PAPPA: variants seen among roughly 807,000 people sequenced by gnomAD.
The protein encoded by PAPPA is pappalysin 1.
A neutral mutation model predicts 164.0 loss-of-function variants in PAPPA; 60 were observed. That is an observed-to-expected ratio of 0.37 (90% CI 0.30 to 0.45). The LOEUF is 0.45. Ranked by LOEUF, PAPPA falls within the 20% of genes least tolerant of loss-of-function variation. The pLI, the probability that PAPPA is intolerant of heterozygous loss-of-function variation, is 1.00. For missense variants in PAPPA, 1,782 were observed against 2,087.3 expected (o/e 0.85, Z 2.85); for synonymous variants, 875 against 814.1 (o/e 1.07, Z -1.27).
At chr9:116,389,298 A>C (rs1241648095) in intron 21 of PAPPA, among the ~76,000 whole-genome samples, 1 of 151,800 alleles carries the variant, frequency 6.6e-6, no homozygotes, top group African/African-American at 2.4e-5. Context: ...ACACCTGGCT[A>C]ATTTTTGTAT....
chr9:116,161,270 C>T (rs1843661822), intron 1 of PAPPA, among the ~76,000 whole-genome samples: 1 of 152,164 alleles, frequency 6.6e-6, no homozygotes, highest in Non-Finnish European at 1.5e-5. Flanking sequence ...TCTGCCAAAT[C>T]CTGCCACTTA....
chr9:116,313,478 C>T (rs1845748865), intron 10 of PAPPA, among the ~76,000 whole-genome samples: 1 of 152,196 alleles, frequency 6.6e-6, no homozygotes. Flanking sequence ...CTGGGTAATG[C>T]CCATGTCTGC....
chr9:116,365,721 T>C (rs1250686124), intron 18 of PAPPA, among the ~76,000 whole-genome samples: 1 of 152,146 alleles, frequency 6.6e-6, no homozygotes, highest in African/African-American at 2.4e-5. Flanking sequence ...AAGCAGTTTC[T>C]CTGACTGCTT....
intron 19 of PAPPA, among the ~76,000 whole-genome samples, chr9:116,375,781 T>G (rs1321897703): frequency 2.0e-5 from 3 of 152,172 alleles, no homozygotes; most frequent in Admixed American, 6.5e-5. Flanking sequence ...TACATGGATT[T>G]TCCACATTTT....
At chr9:116,294,409 T>C (rs1234295308) in intron 9 of PAPPA, among the ~76,000 whole-genome samples, 4 of 152,180 alleles carry the variant, frequency 2.6e-5, no homozygotes, top group Non-Finnish European at 5.9e-5. Flanking sequence ...CTGTCTTTTG[T>C]ACTCTGGGCA....
At chr9:116,344,788 A>G (rs1031373776) in intron 14 of PAPPA, 77 bp downstream of exon 14, 2 of 1,317,842 alleles carry the variant, frequency 1.5e-6, no homozygotes, top group Middle Eastern at 2.6e-4. Context: ...GTTCTCTGCT[A>G]AATACCCAGC....
chr9:116,176,666 A>G (rs1843838206), intron 1 of PAPPA, among the ~76,000 whole-genome samples: 1 of 152,174 alleles, frequency 6.6e-6, no homozygotes, highest in Non-Finnish European at 1.5e-5. Flanking sequence ...ATAGAATACT[A>G]TAGTATCCAC....
intron 5 of PAPPA, among the ~76,000 whole-genome samples, chr9:116,221,385 T>G (rs1844444147): frequency 6.6e-6 from 1 of 152,230 alleles, no homozygotes; most frequent in African/African-American, 2.4e-5. Flanking sequence ...GTAAAAATAA[T>G]AACCATGCTA....
chr9:116,360,964 A>G (rs1238332629), intron 17 of PAPPA, among the ~76,000 whole-genome samples: 4 of 152,202 alleles, frequency 2.6e-5, no homozygotes, highest in Non-Finnish European at 5.9e-5. Context: ...GTTGTGCCAG[A>G]TAAGGTATTT....
intron 17 of PAPPA, 30 bp downstream of exon 17, chr9:116,353,823 C>T (rs531041579): frequency 1.3e-6 from 2 of 1,570,596 alleles, no homozygotes; most frequent in African/African-American, 2.7e-5. Flanking sequence ...AGATTGATAC[C>T]ATGGTCCCTT....
At chr9:116,337,503 A>G (rs149759813) in intron 13 of PAPPA, among the ~76,000 whole-genome samples, 1 of 152,292 alleles carries the variant, frequency 6.6e-6, no homozygotes, top group African/African-American at 2.4e-5. Flanking sequence ...AATAAATAGC[A>G]TCACTTTTTA....
chr9:116,160,934 G>T (rs1843658329), intron 1 of PAPPA, among the ~76,000 whole-genome samples: 1 of 152,194 alleles, frequency 6.6e-6, no homozygotes, highest in South Asian at 2.1e-4. Context: ...GTGACCTGTG[G>T]TCTCTGACTT....
At chr9:116,292,633 T>G (rs1845450939) in intron 9 of PAPPA, among the ~76,000 whole-genome samples, 1 of 152,194 alleles carries the variant, frequency 6.6e-6, no homozygotes, top group African/African-American at 2.4e-5. Context: ...TTTTTTGATG[T>G]CTTTTGATGA....
intron 7 of PAPPA, among the ~76,000 whole-genome samples, chr9:116,262,724 G>A (rs906855483): frequency 6.6e-6 from 1 of 152,156 alleles, no homozygotes; most frequent in African/African-American, 2.4e-5. Context: ...AATGTAGGAG[G>A]CACAGGAGGG....
At chr9:116,303,557 A>G (rs998646079) in intron 10 of PAPPA, among the ~76,000 whole-genome samples, 2 of 152,042 alleles carry the variant, frequency 1.3e-5, no homozygotes, top group Non-Finnish European at 2.9e-5. Flanking sequence ...TAGTGCTTGT[A>G]TGATTCTAGA....
At chr9:116,233,717 C>G (rs750136205) in intron 6 of PAPPA, among the ~76,000 whole-genome samples, 2 of 152,174 alleles carry the variant, frequency 1.3e-5, no homozygotes, top group Non-Finnish European at 2.9e-5. Context: ...ACAGCCTTCA[C>G]TGGCATAGTT....
chr9:116,382,214 GTCTT>G (rs1242010603), intron 20 of PAPPA, among the ~76,000 whole-genome samples, 177 bp from the exon 21 acceptor site: 1 of 152,124 alleles, frequency 6.6e-6, no homozygotes, highest in Admixed American at 6.5e-5. Context: ...AAAGATAAGA[GTCTT>G]TATGAATGGT....
chr9:116,367,608 C>A, intron 18 of PAPPA, 37 bp from the exon 19 acceptor site: 2 of 1,500,792 alleles, frequency 1.3e-6, no homozygotes, highest in Non-Finnish European at 1.8e-6. Context: ...TTGAGGGTCT[C>A]GGGCCTGAGC....
intron 5 of PAPPA, among the ~76,000 whole-genome samples, chr9:116,223,157 C>G (rs1844466035): frequency 6.6e-6 from 1 of 152,186 alleles, no homozygotes; most frequent in Admixed American, 6.5e-5. Flanking sequence ...AATTCCCCTT[C>G]CCCTGCCCCA....
Sources: gnomAD v4.1 joint callset for allele counts (sites outside exome capture counted in the v4.1 genomes callset) on GRCh38, gnomAD v4.1.1 for gene constraint, MANE v1.5 for transcripts, NCBI Gene and HGNC (gene_info 2026-07-23, HGNC 2026-07-21) for gene names.